Variants in GPR39 observed in about 807,000 individuals in gnomAD.
GPR39 encodes zinc sensing receptor.
GPR39 carries 23 observed loss-of-function variants against 18.4 expected under a neutral mutation model. The ratio of observed to expected loss-of-function variants is 1.25; its 90% CI spans 0.90 to 1.77. GPR39 has a LOEUF of 1.77. Among genes scored for constraint, GPR39 ranks in the 40% most tolerant of loss-of-function variants. The pLI, the probability that GPR39 is intolerant of heterozygous loss-of-function variation, is 0.00. For missense variants in GPR39, 647 were observed against 602.4 expected, an observed-to-expected ratio of 1.07 and a Z score of -0.78; for synonymous variants, 280 against 257.9, an observed-to-expected ratio of 1.09 and a Z score of -0.82.
chr2:132,640,506 A>G (rs1404728964), intron 1 of GPR39, among the ~76,000 whole-genome samples: 1 of 152,238 alleles, frequency 6.6e-6, no homozygotes, highest in Non-Finnish European at 1.5e-5. Flanking sequence ...TCTATCAGTA[A>G]TTCAGTTAAA....
chr2:132,427,217 T>G (rs1281087527), intron 1 of GPR39, among the ~76,000 whole-genome samples: 1 of 142,406 alleles, frequency 7.0e-6, no homozygotes, highest in Non-Finnish European at 1.5e-5. Context: ...CAGGCTGGAG[T>G]GCAGTGGCAC....
At chr2:132,574,251 T>C (rs187428110) in intron 1 of GPR39, among the ~76,000 whole-genome samples, 14 of 152,366 alleles carry the variant, frequency 9.2e-5, no homozygotes, top group African/African-American at 3.4e-4. Flanking sequence ...CATTGAATAT[T>C]ATTTTTAAAA....
chr2:132,539,178 C>T (rs746301705), intron 1 of GPR39, among the ~76,000 whole-genome samples: 45 of 152,122 alleles, frequency 3.0e-4, no homozygotes, highest in African/African-American at 1.1e-3. Flanking sequence ...AACCCAGGGC[C>T]CTGGTGGTGT....
At chr2:132,458,515 T>C (rs1342842848) in intron 1 of GPR39, among the ~76,000 whole-genome samples, 1 of 150,772 alleles carries the variant, frequency 6.6e-6, no homozygotes, top group Non-Finnish European at 1.5e-5. Context: ...ATTAAGTTTT[T>C]CAAAAATCAT....
At chr2:132,558,489 A>G (rs903132408) in intron 1 of GPR39, among the ~76,000 whole-genome samples, 3 of 152,208 alleles carry the variant, frequency 2.0e-5, no homozygotes, top group Non-Finnish European at 4.4e-5. Context: ...TTCTAAGGCC[A>G]CATTTGTGAC....
chr2:132,437,289 C>A (rs1346219213), intron 1 of GPR39, among the ~76,000 whole-genome samples: 2 of 152,184 alleles, frequency 1.3e-5, no homozygotes, highest in South Asian at 4.1e-4. Context: ...ATTTCATTAA[C>A]GAAAATGCCA....
At chr2:132,602,067 A>G (rs1681051885) in intron 1 of GPR39, among the ~76,000 whole-genome samples, 1 of 152,162 alleles carries the variant, frequency 6.6e-6, no homozygotes, top group African/African-American at 2.4e-5. Context: ...TGGAACCACA[A>G]AAGACCCCAA....
chr2:132,428,534 G>C (rs190762816), intron 1 of GPR39, among the ~76,000 whole-genome samples: 1 of 152,160 alleles, frequency 6.6e-6, no homozygotes, highest in South Asian at 2.1e-4. Flanking sequence ...TGTTAGTCTC[G>C]ATATTCACAG....
chr2:132,430,341 T>A (rs990476937), intron 1 of GPR39, among the ~76,000 whole-genome samples: 9 of 152,108 alleles, frequency 5.9e-5, no homozygotes, highest in Admixed American at 3.3e-4. Context: ...GGGTTGAGAA[T>A]GGGAGAAGAA....
At chr2:132,559,452 G>A (rs1381525043) in intron 1 of GPR39, among the ~76,000 whole-genome samples, 4 of 152,030 alleles carry the variant, frequency 2.6e-5, no homozygotes, top group Non-Finnish European at 4.4e-5. Flanking sequence ...TGGAAATCAG[G>A]GAGCCCGAGT....
chr2:132,471,651 A>C (rs1223479505), intron 1 of GPR39, among the ~76,000 whole-genome samples: 1 of 143,698 alleles, frequency 7.0e-6, no homozygotes, highest in Middle Eastern at 3.5e-3. Flanking sequence ...CCCAGCAAGG[A>C]GTTTTTTTTT....
chr2:132,597,077 G>C (rs1332841137), intron 1 of GPR39, among the ~76,000 whole-genome samples: 3 of 152,184 alleles, frequency 2.0e-5, no homozygotes, highest in Non-Finnish European at 2.9e-5. Context: ...AAAAATGAAG[G>C]AGAGGTGAGG....
intron 1 of GPR39, among the ~76,000 whole-genome samples, chr2:132,636,913 AC>A (rs1681771778): frequency 1.3e-5 from 2 of 152,172 alleles, no homozygotes; most frequent in Middle Eastern, 6.8e-3. Context: ...CCTCATTACC[AC>A]CACCCACTCC....
intron 1 of GPR39, among the ~76,000 whole-genome samples, chr2:132,542,005 G>A (rs1327822048): frequency 6.6e-6 from 1 of 152,136 alleles, no homozygotes; most frequent in Non-Finnish European, 1.5e-5. Context: ...GGGCAAGGTA[G>A]CTCACTGGGG....
chr2:132,610,381 A>G (rs1335907729), intron 1 of GPR39, among the ~76,000 whole-genome samples: 1 of 152,168 alleles, frequency 6.6e-6, no homozygotes, highest in East Asian at 1.9e-4. Flanking sequence ...TCCAAAATGT[A>G]TCATGTATGA....
chr2:132,455,459 G>GT (rs1434599225), intron 1 of GPR39, among the ~76,000 whole-genome samples: 4 of 152,108 alleles, frequency 2.6e-5, no homozygotes, highest in African/African-American at 9.7e-5. Context: ...ATTTTGAAGG[G>GT]TTTTTTGTTT....
At chr2:132,573,957 C>G (rs2104816834) in intron 1 of GPR39, among the ~76,000 whole-genome samples, 1 of 152,312 alleles carries the variant, frequency 6.6e-6, no homozygotes, top group African/African-American at 2.4e-5. Context: ...TTTCTGCAAT[C>G]AAGAAATTAA....
intron 1 of GPR39, among the ~76,000 whole-genome samples, chr2:132,547,731 T>G (rs2104791725): frequency 6.6e-6 from 1 of 152,336 alleles, no homozygotes; most frequent in East Asian, 1.9e-4. Context: ...GTTGGGTAAC[T>G]TATTTGCTGA....
At chr2:132,602,747 A>T (rs1162205272) in intron 1 of GPR39, among the ~76,000 whole-genome samples, 1 of 149,746 alleles carries the variant, frequency 6.7e-6, no homozygotes, top group Non-Finnish European at 1.5e-5. Flanking sequence ...ACATTTCTCT[A>T]AAAAAAAAGA....
Sources: allele counts gnomAD v4.1 joint callset (sites outside exome capture counted in the v4.1 genomes callset), GRCh38; gene constraint gnomAD v4.1.1; transcripts MANE v1.5; gene names NCBI Gene and HGNC (gene_info 2026-07-23, HGNC 2026-07-21).